Variants in MAP1LC3B observed in about 807,000 individuals in gnomAD.
MAP1LC3B encodes the protein microtubule associated protein 1 light chain 3 beta.
In MAP1LC3B, 12 loss-of-function variants were observed where a neutral mutation model predicts 16.7. That is an observed-to-expected ratio of 0.72 (90% confidence interval 0.46 to 1.16). The LOEUF (loss-of-function observed/expected upper bound fraction) is 1.16, where lower values mean the gene tolerates loss of function less well. Ranked by LOEUF, MAP1LC3B falls within the 50% of genes most tolerant of loss-of-function variation. The probability of loss-of-function intolerance (pLI) is 0.00; values close to 1 mark genes in which losing one functional copy is unlikely to be tolerated. For synonymous variants in MAP1LC3B, 63 were observed against 56.5 expected (o/e 1.11, Z -0.51); for missense variants, 155 against 159.5 (o/e 0.97, Z 0.15).
chr16:87,398,919 A>G, intron 2 of MAP1LC3B, 49 bp downstream of exon 2: 4 of 1,522,444 alleles, frequency 2.6e-6, no homozygotes, highest in Non-Finnish European at 3.6e-6. Flanking sequence ...CGCAGAGGAG[A>G]GCACCGCATA....
rs567983791 is a variant in MAP1LC3B at position 87,394,499 on chromosome 16, C to G, written c.40+2032C>G. Among the ~76,000 whole-genome samples the G allele has an allele frequency of 2.6e-5, 4 of 152,336 alleles. No individual in the cohort carries two copies. In the South Asian group the frequency reaches 8.3e-4, roughly 32 times the overall value. On this transcript the variant is annotated intron_variant, in intron 1 of 3. Transcript: ENST00000268607. ...CTGAATATAGCTCTGCTGATAAACT[C>G]TACCAGGATTGACAGGGTTCTCAAA...
chr16:87,395,941 A>G lies in MAP1LC3B; in HGVS notation c.41-2874A>G, dbSNP rs187139748. Among the ~76,000 whole-genome samples, 936 of 133,470 alleles carry G rather than the reference A, an allele frequency of 7.0e-3. 19 individuals are homozygous for G. Among genetic ancestry groups the G allele is most frequent in the African/African-American group, 0.025 (865 of 35,084 alleles). 87.6% of individuals were successfully genotyped at this position (133,470 alleles called of 152,430 possible). ...AGTGGCATGATCTCAGCTCACTGCA[A>G]CCTCCGCCTCCTGGGTTCAAGTGAT... On this transcript the variant is annotated intron_variant, in intron 1 of 3. Coordinates refer to ENST00000268607, the MANE Select transcript of MAP1LC3B (RefSeq NM_022818.5).
chr16:87,403,588 A>G lies in MAP1LC3B; in HGVS notation c.*491A>G, dbSNP rs1173226747. On this transcript the variant is annotated 3_prime_UTR_variant, in exon 4 of 4. Transcript: ENST00000268607. ...TGAGTTGTGAAGCGCAACCCCCGCA[A>G]AACGCATTTGCCATCACAGTTGGCA... The G allele has an allele frequency of 6.5e-6, 1 of 153,402 alleles. No individual in the cohort carries two copies. The highest frequency in any genetic ancestry group is 1.5e-5 in the Non-Finnish European group (1 of 68,732). The allele number at this position is 153,402 out of a possible 1,614,324, so 9.5% of individuals were successfully genotyped here. A position where few individuals can be genotyped will look rare whatever the true frequency, so the allele number is the denominator to read the frequency against.
Position 87,403,666 on chromosome 16 carries a change from T to C in MAP1LC3B, c.*569T>C, listed in dbSNP as rs1037725919. 6.6e-6 allele frequency: 1 copy of C among 152,492 alleles called. No individual in the cohort carries two copies. Among genetic ancestry groups the C allele is most frequent in the Non-Finnish European group, 1.5e-5 (1 of 68,258 alleles). The allele number at this position is 152,492 out of a possible 1,614,324, so 9.4% of individuals were successfully genotyped here. A position where few individuals can be genotyped will look rare whatever the true frequency, so the allele number is the denominator to read the frequency against. ...GAAAACGGCCCTGACTGTAAACTGC[T>C]GAAGGTCCCTGACTCCTAAGAGAAC... On this transcript the variant is annotated 3_prime_UTR_variant, in exon 4 of 4. Transcript: ENST00000268607.
At chr16:87,397,550 G>A (rs780553895) in intron 1 of MAP1LC3B, among the ~76,000 whole-genome samples, 10 of 152,266 alleles carry the variant, frequency 6.6e-5, no homozygotes, top group Non-Finnish European at 8.8e-5. Flanking sequence ...CCCAGGAGGC[G>A]GAGCTTGCAG....
intron 3 of MAP1LC3B, 136 bp from the exon 4 acceptor site, chr16:87,402,787 T>A (rs752428185): frequency 8.1e-5 from 83 of 1,028,552 alleles, no homozygotes; most frequent in Non-Finnish European, 1.1e-4. Flanking sequence ...TGTCCTGTGC[T>A]TTATGAGAAG....
At chr16:87,392,522 A>T in intron 1 of MAP1LC3B, 55 bp downstream of exon 1, 1 of 1,251,000 alleles carries the variant, frequency 8.0e-7, no homozygotes, top group Non-Finnish European at 1.0e-6. Context: ...CGAGCTGTGG[A>T]GGGCGGCAGG....
At chr16:87,396,236 T>C (rs1194353399) in intron 1 of MAP1LC3B, among the ~76,000 whole-genome samples, 1 of 151,006 alleles carries the variant, frequency 6.6e-6, no homozygotes, top group African/African-American at 2.4e-5. Flanking sequence ...AACATTTTGG[T>C]AGGCCAAGGT....
chr16:87,398,869 C>T lies in MAP1LC3B; in HGVS notation c.95C>T (p.Pro32Leu), dbSNP rs769606792. ...CGAGAGCAGCATCCAACCAAAATCCCGGTAGGTAGTCTCAGGCCTCGGTTT... is the reference window on the plus strand; with the variant it reads ...CGAGAGCAGCATCCAACCAAAATCCTGGTAGGTAGTCTCAGGCCTCGGTTT... ...LIREQHPTKI[P>L]VIIERYKGEK... The change falls in exon 2 of 4, where the codon CCG becomes CTG. Residue 32 changes from proline (P) to leucine (L), a missense_variant and splice_region_variant. Transcript: ENST00000268607. 9.3e-6 allele frequency: 15 copies of T among 1,613,614 alleles called. No homozygotes were observed. Among genetic ancestry groups the T allele is most frequent in the East Asian group, 2.2e-5 (1 of 44,902 alleles).
intron 2 of MAP1LC3B, 27 bp downstream of exon 2, chr16:87,398,897 G>T: frequency 6.2e-7 from 1 of 1,605,036 alleles, no homozygotes; most frequent in East Asian, 2.2e-5. Flanking sequence ...CTCGGTTTCA[G>T]TCATGAATGT....
intron 3 of MAP1LC3B, 171 bp from the exon 4 acceptor site, chr16:87,402,752 C>T (rs897996522): frequency 6.4e-6 from 5 of 778,536 alleles, no homozygotes; most frequent in Non-Finnish European, 1.0e-5. Context: ...GTGATTATAG[C>T]TCATGTCAAT....
At chr16:87,396,957 A>C (rs985892883) in intron 1 of MAP1LC3B, 1 of 152,110 alleles carries the variant, frequency 6.6e-6, no homozygotes, top group Non-Finnish European at 1.5e-5. Flanking sequence ...CCTCCCTAGT[A>C]GCTGGGATTA....
chr16:87,401,125 T>A (rs1907978516), intron 2 of MAP1LC3B, among the ~76,000 whole-genome samples: 1 of 91,968 alleles, frequency 1.1e-5, no homozygotes, highest in Non-Finnish European at 2.2e-5. Flanking sequence ...AGAGCAAGAC[T>A]CTGTCTCAAA....
intron 1 of MAP1LC3B, among the ~76,000 whole-genome samples, chr16:87,394,364 A>G (rs1209517775): frequency 6.6e-6 from 1 of 152,214 alleles, no homozygotes; most frequent in African/African-American, 2.4e-5. Context: ...GTAGCACAGT[A>G]AGTGAGGGAA....
At chr16:87,398,096 C>T (rs1301772654) in intron 1 of MAP1LC3B, among the ~76,000 whole-genome samples, 1 of 151,692 alleles carries the variant, frequency 6.6e-6, no homozygotes, top group Non-Finnish European at 1.5e-5. Flanking sequence ...AATGTCCGCT[C>T]ACTGCAACCT....
At chr16:87,397,996 T>G (rs1278695899) in intron 1 of MAP1LC3B, among the ~76,000 whole-genome samples, 1 of 151,970 alleles carries the variant, frequency 6.6e-6, no homozygotes, top group African/African-American at 2.4e-5. Context: ...AAATTATCAA[T>G]AAGTGATTCT....
chr16:87,400,524 G>A (rs1431750271), intron 2 of MAP1LC3B, among the ~76,000 whole-genome samples: 1 of 152,070 alleles, frequency 6.6e-6, no homozygotes, highest in Non-Finnish European at 1.5e-5. Context: ...TATGTTATCA[G>A]AATGAAAGTA....
At chr16:87,398,922 A>G (rs1160794302) in intron 2 of MAP1LC3B, 52 bp downstream of exon 2, 1 of 1,499,944 alleles carries the variant, frequency 6.7e-7, no homozygotes, top group African/African-American at 1.4e-5. Flanking sequence ...AGAGGAGAGC[A>G]CCGCATAAGT....
intron 1 of MAP1LC3B, among the ~76,000 whole-genome samples, chr16:87,397,134 T>A (rs1567499591): frequency 6.6e-6 from 1 of 152,106 alleles, no homozygotes; most frequent in Admixed American, 6.5e-5. Context: ...CCACCAAATT[T>A]ATCATTTGCA....
Sources: gnomAD v4.1 joint callset for allele counts (sites outside exome capture counted in the v4.1 genomes callset) on GRCh38, gnomAD v4.1.1 for gene constraint, MANE v1.5 for transcripts, NCBI Gene and HGNC (gene_info 2026-07-23, HGNC 2026-07-21) for gene names.